WDR19: variants seen among roughly 807,000 people sequenced by gnomAD.
WDR19 encodes WD repeat domain 19.
In WDR19, 121 loss-of-function variants were observed where a neutral mutation model predicts 180.0. That is an observed-to-expected ratio of 0.67 (90% CI 0.58 to 0.78). WDR19 has a LOEUF of 0.78. Among genes scored for constraint, WDR19 ranks in the 30% least tolerant of loss-of-function variants. The pLI, the probability that WDR19 is intolerant of heterozygous loss-of-function variation, is 0.00. For synonymous variants in WDR19, 497 were observed against 540.7 expected, an observed-to-expected ratio of 0.92 and a Z score of 1.12; for missense variants, 1,450 against 1,640.7, an observed-to-expected ratio of 0.88 and a Z score of 2.01.
At chr4:39,228,403 A>T in intron 16 of WDR19, 46 bp downstream of exon 16, 1 of 1,602,374 alleles carries the variant, frequency 6.2e-7, no homozygotes. Flanking sequence ...TGAATTTCCC[A>T]TTGCAGTAAA....
rs141289481 is a variant in WDR19 at position 39,190,670 on chromosome 4, C to T, written c.290+889C>T. Among the ~76,000 whole-genome samples, 709 of 152,278 alleles carry T rather than the reference C, an allele frequency of 4.7e-3. 4 individuals carry two copies. Among genetic ancestry groups the T allele is most frequent in the Non-Finnish European group, 6.7e-3 (455 of 68,018 alleles). On this transcript the variant is annotated intron_variant, in intron 4 of 36. Transcript: ENST00000399820. The stretch of plus-strand genomic sequence containing the variant: ...CAGAGAAAGCAAGGCAGTCATGTAG[C>T]GCAGGATCAGATACAACCTAGTGAG...
At chr4:39,246,098 G>T (rs568002074) in intron 24 of WDR19, among the ~76,000 whole-genome samples, 46 of 152,264 alleles carry the variant, frequency 3.0e-4, no homozygotes, top group African/African-American at 1.1e-3. Flanking sequence ...AACATGAAAA[G>T]GTTCTACCTC....
At chr4:39,227,394 A>G (rs1408245666) in intron 15 of WDR19, among the ~76,000 whole-genome samples, 6 of 152,218 alleles carry the variant, frequency 3.9e-5, no homozygotes, top group Non-Finnish European at 8.8e-5. Context: ...TATTACAGTC[A>G]GCCCACCCTA....
intron 36 of WDR19, among the ~76,000 whole-genome samples, chr4:39,284,163 CCTTT>C (rs371980256): frequency 9.9e-5 from 15 of 151,020 alleles, no homozygotes; most frequent in African/African-American, 2.9e-4. Flanking sequence ...TTTTTCTATC[CCTTT>C]CTGTCTTCTC....
chr4:39,200,681 T>C (rs1727275997), intron 6 of WDR19, among the ~76,000 whole-genome samples: 1 of 152,146 alleles, frequency 6.6e-6, no homozygotes, highest in South Asian at 2.1e-4. Flanking sequence ...TATAACCTAA[T>C]CACAGAATCA....
At chr4:39,248,355 C>T (rs1337573726) in intron 24 of WDR19, among the ~76,000 whole-genome samples, 1 of 152,088 alleles carries the variant, frequency 6.6e-6, no homozygotes, top group East Asian at 1.9e-4. Context: ...GAAGGAAGCA[C>T]TAAACATGGA....
At chr4:39,235,236 C>T (rs998023814) in intron 20 of WDR19, among the ~76,000 whole-genome samples, 1 of 152,060 alleles carries the variant, frequency 6.6e-6, no homozygotes, top group Non-Finnish European at 1.5e-5. Context: ...ACGTGATCCT[C>T]CCTTCTCAGC....
chr4:39,211,074 C>A (rs1728450850), intron 9 of WDR19, among the ~76,000 whole-genome samples: 1 of 152,024 alleles, frequency 6.6e-6, no homozygotes, highest in South Asian at 2.1e-4. Context: ...TCCTGTAGTC[C>A]CAGCAACTTG....
chr4:39,260,001 T>C (rs1734129839), intron 28 of WDR19, among the ~76,000 whole-genome samples: 1 of 152,232 alleles, frequency 6.6e-6, no homozygotes, highest in South Asian at 2.1e-4. Context: ...ATTTAGTTTA[T>C]ATGGGCCTTA....
intron 7 of WDR19, among the ~76,000 whole-genome samples, chr4:39,204,306 A>G (rs1295460455): frequency 2.6e-5 from 4 of 152,024 alleles, no homozygotes; most frequent in Non-Finnish European, 5.9e-5. Flanking sequence ...GCTGGTCTCA[A>G]ACTCCCGATC....
chr4:39,219,942 G>A (rs1244705288), intron 14 of WDR19, among the ~76,000 whole-genome samples: 4 of 152,112 alleles, frequency 2.6e-5, no homozygotes, highest in East Asian at 1.9e-4. Flanking sequence ...AATAGTGGCC[G>A]GTGCAGTAGC....
chr4:39,205,181 T>C lies in WDR19; in HGVS notation c.631T>C (p.Leu211=). The C allele has an allele frequency of 6.3e-7, 1 of 1,596,296 alleles. No individual in the cohort carries two copies. Among genetic ancestry groups the C allele is most frequent in the Non-Finnish European group, 8.5e-7 (1 of 1,170,786 alleles). ...MISVVLGKKT[L]FFLNLNEPDN... is the part of the protein sequence containing the mutation. The stretch of plus-strand genomic sequence containing the variant: ...AAGTGTGGTGCTTGGCAAGAAAACT[T>C]TGTTTTTTTTAAATCTGAATGAACC... Residue 211 remains leucine (L), a synonymous_variant, in exon 8 of 37, where the codon TTG becomes CTG. Transcript: ENST00000399820.
At position 39,196,381 on chromosome 4, in the gene WDR19, C is replaced by T. The variant is rs970820936; in HGVS notation, c.406+1722C>T. Among the ~76,000 whole-genome samples, 7 of 152,166 alleles carry T rather than the reference C, an allele frequency of 4.6e-5. No homozygotes were observed. In the South Asian group the frequency reaches 6.2e-4, roughly 14 times the overall value. On this transcript the variant is annotated intron_variant, in intron 5 of 36. Transcript: ENST00000399820. ...CACTTCAAATTTAGTATCTCCAAAA[C>T]CTTCTTGACTCACAGCTTTGCCTTC...
rs187658795 is a variant in WDR19 at position 39,216,078 on chromosome 4, C to G, written c.1135-18C>G. 535 of 1,550,190 alleles carry G rather than the reference C, an allele frequency of 3.5e-4. 2 individuals carry two copies. The Admixed American group carries it at 5.4e-3, about 16-fold the overall frequency. On this transcript the variant is annotated intron_variant, in intron 11 of 36. Transcript: ENST00000399820. ...AATAAGTTTAGCCGTTGATTTATTA[C>G]TATTTTCTTTATTATAGGAGCTACC...
chr4:39,276,222 G>A (rs1735873054), intron 33 of WDR19, among the ~76,000 whole-genome samples: 1 of 152,206 alleles, frequency 6.6e-6, no homozygotes, highest in Non-Finnish European at 1.5e-5. Context: ...CCTCATGGCA[G>A]AGAGCTCTAA....
In WDR19 at chr4:39,247,972, G is replaced by A. The variant is rs966861068; in HGVS notation, c.2729+2520G>A. 3.3e-5 allele frequency among the ~76,000 whole-genome samples: 5 copies of A among 152,174 alleles called. No homozygotes were observed. In the South Asian group the frequency reaches 8.3e-4, roughly 25 times the overall value. On this transcript the variant is annotated intron_variant, in intron 24 of 36. Transcript: ENST00000399820. ...AGAACTTCCCCAATCTAGCAAGGCA[G>A]GCCAACATTCAAATTCAGGAAATAC...
At chr4:39,192,658 C>T (rs943461344) in intron 4 of WDR19, among the ~76,000 whole-genome samples, 7 of 152,274 alleles carry the variant, frequency 4.6e-5, no homozygotes, top group African/African-American at 1.7e-4. Flanking sequence ...GATGGGGTTC[C>T]ACCATCTTGG....
At chr4:39,260,180 C>T (rs1484502365) in intron 28 of WDR19, among the ~76,000 whole-genome samples, 1 of 152,128 alleles carries the variant, frequency 6.6e-6, no homozygotes, top group Non-Finnish European at 1.5e-5. Context: ...TAGCTAATTA[C>T]ATCCTTGTGG....
chr4:39,192,599 A>G (rs1207754242), intron 4 of WDR19, among the ~76,000 whole-genome samples: 1 of 152,094 alleles, frequency 6.6e-6, no homozygotes, highest in African/African-American at 2.4e-5. Context: ...CCTCCCAAGT[A>G]GCTCGGTGCC....
Sources: allele counts gnomAD v4.1 joint callset (sites outside exome capture counted in the v4.1 genomes callset), GRCh38; gene constraint gnomAD v4.1.1; transcripts MANE v1.5; gene names NCBI Gene and HGNC (gene_info 2026-07-23, HGNC 2026-07-21).